The following BCL11A variants were observed in gnomAD, a reference collection of about 807,000 sequenced individuals.
The protein encoded by BCL11A is B cell CLL/lymphoma 11A.
A neutral mutation model predicts 55.9 loss-of-function variants in BCL11A; 2 were observed. The ratio of observed to expected loss-of-function variants is 0.04; its 90% confidence interval spans 0.01 to 0.11. The LOEUF (loss-of-function observed/expected upper bound fraction) is 0.11, where lower values mean the gene tolerates loss of function less well. Among genes scored for constraint, BCL11A ranks in the 10% least tolerant of loss-of-function variants. The pLI is 1.00. For synonymous variants in BCL11A, 465 were observed against 473.4 expected, an observed-to-expected ratio of 0.98 and a Z score of 0.23; for missense variants, 817 against 1,137.1, an observed-to-expected ratio of 0.72 and a Z score of 4.05.
At chr2:60,475,787 C>A (rs967383521) in intron 2 of BCL11A, among the ~76,000 whole-genome samples, 1 of 152,132 alleles carries the variant, frequency 6.6e-6, no homozygotes, top group Non-Finnish European at 1.5e-5. Context: ...TATTTGGGAG[C>A]TACTTTCAGA....
exon 5 of BCL11A, chr2:60,451,323 G>A: frequency 4.4e-6 from 1 of 227,910 alleles, no homozygotes; most frequent in Non-Finnish European, 8.7e-6. Context: ...CAGCACACAG[G>A]TGTCTGAGCT....
Position 60,546,574 on chromosome 2 carries a change from C to T in BCL11A, c.56-274G>A, listed in dbSNP as rs1352181687. Among the ~76,000 whole-genome samples the T allele has an allele frequency of 8.6e-5, 13 of 152,030 alleles. No homozygotes were observed. The highest frequency in any genetic ancestry group is 7.9e-4 in the Admixed American group (12 of 15,260). On this transcript the variant is annotated intron_variant, in intron 1 of 3. Transcript: ENST00000642384. This position sits in a 1 kb window ranked among gnomAD's most constrained non-coding sequence, Gnocchi z 4.1. ...GAGAACACACACACACACATATACC[C>T]ATGCACACACCCACAGCAACAAATG...
At chr2:60,526,076 G>A (rs1250493242) in intron 2 of BCL11A, 1 of 152,176 alleles carries the variant, frequency 6.6e-6, no homozygotes, top group Non-Finnish European at 1.5e-5. Context: ...TCTAACCACA[G>A]TAGGTTTTTT....
chr2:60,506,464 C>A (rs1679600116), intron 2 of BCL11A, among the ~76,000 whole-genome samples: 1 of 152,268 alleles, frequency 6.6e-6, no homozygotes, highest in African/African-American at 2.4e-5. Flanking sequence ...GCGCACCAGT[C>A]CTCAGACCCT....
At chr2:60,482,823 T>C (rs996353054) in intron 2 of BCL11A, among the ~76,000 whole-genome samples, 6 of 152,250 alleles carry the variant, frequency 3.9e-5, no homozygotes, top group African/African-American at 1.4e-4. Context: ...TTCTAGAATG[T>C]GTAATCATCT....
chr2:60,462,338 T>C lies in BCL11A; in HGVS notation c.574A>G (p.Thr192Ala). Residue 192 changes from threonine to alanine, a missense_variant, in exon 4 of 4, where the codon ACT (threonine) becomes GCT (alanine). Physicochemically the swap from Thr to Ala is moderately conservative, Grantham distance 58. Around this residue, in one of 4 missense-constraint regions of BCL11A, gnomAD observed 363 missense variants for 486.6 expected, o/e 0.75. Coordinates refer to ENST00000642384, the MANE Select transcript of BCL11A (RefSeq NM_022893.4). ...AWFLLQHAQNTHGLRIYLESE... is the reference protein window; with the variant it reads ...AWFLLQHAQNAHGLRIYLESE... Reference sequence around the variant, plus strand: ...TCTAAGTAGATTCTTAATCCATGAGTGTTCTGTGCGTGTTGCAAGAGAAAC... The same window carrying C: ...TCTAAGTAGATTCTTAATCCATGAGCGTTCTGTGCGTGTTGCAAGAGAAAC... The C allele has an allele frequency of 6.2e-7, 1 of 1,614,014 alleles. No homozygotes were observed. The highest frequency in any genetic ancestry group is 1.1e-5 in the South Asian group (1 of 91,080).
intron 2 of BCL11A, among the ~76,000 whole-genome samples, chr2:60,480,783 T>C (rs1038038363): frequency 6.6e-6 from 1 of 152,202 alleles, no homozygotes; most frequent in African/African-American, 2.4e-5. Flanking sequence ...ATTACTAGTC[T>C]GGGTCCCTTT....
intron 2 of BCL11A, among the ~76,000 whole-genome samples, chr2:60,489,049 C>T (rs1173086383): frequency 6.6e-6 from 1 of 152,098 alleles, no homozygotes; most frequent in Non-Finnish European, 1.5e-5. Flanking sequence ...CATAAGCTAC[C>T]ACACCCAGCC....
At chr2:60,510,433 T>C (rs764027959) in intron 2 of BCL11A, among the ~76,000 whole-genome samples, 7 of 152,202 alleles carry the variant, frequency 4.6e-5, no homozygotes, top group Non-Finnish European at 8.8e-5. Flanking sequence ...CTCACCTCTT[T>C]GGAGCCTTTG....
At chr2:60,472,095 A>T (rs1677236841) in intron 2 of BCL11A, among the ~76,000 whole-genome samples, 1 of 152,200 alleles carries the variant, frequency 6.6e-6, no homozygotes, top group Admixed American at 6.5e-5. Context: ...AATTAAGCTT[A>T]GGGAATCCCT....
chr2:60,493,633 G>A (rs756395973), intron 2 of BCL11A, among the ~76,000 whole-genome samples: 12 of 152,122 alleles, frequency 7.9e-5, no homozygotes, highest in South Asian at 4.1e-4. Context: ...TGTGGTGTTC[G>A]GAGTCCTAAG....
At chr2:60,550,896 C>A (rs1670383854) in intron 1 of BCL11A, 1 of 397,112 alleles carries the variant, frequency 2.5e-6, no homozygotes, top group African/African-American at 2.1e-5. Context: ...CACACCGCCG[C>A]GCGCCGCGTC....
At chr2:60,549,557 G>T (rs572345934) in intron 1 of BCL11A, among the ~76,000 whole-genome samples, 1 of 152,184 alleles carries the variant, frequency 6.6e-6, no homozygotes, top group Non-Finnish European at 1.5e-5. Context: ...AGCGAGCAGC[G>T]TGCTGGCTGC....
intron 2 of BCL11A, among the ~76,000 whole-genome samples, chr2:60,469,383 C>A (rs548605896): frequency 6.6e-6 from 1 of 152,276 alleles, no homozygotes; most frequent in African/African-American, 2.4e-5. Flanking sequence ...TATGATAGCG[C>A]CTTCAGTGAT....
At chr2:60,540,529 C>G (rs1032872559) in intron 2 of BCL11A, among the ~76,000 whole-genome samples, 2 of 152,142 alleles carry the variant, frequency 1.3e-5, no homozygotes, top group Admixed American at 1.3e-4. Flanking sequence ...CTGACCAGCA[C>G]GCAAAGCCAC....
At chr2:60,487,184 T>C (rs769904712) in intron 2 of BCL11A, among the ~76,000 whole-genome samples, 3 of 152,224 alleles carry the variant, frequency 2.0e-5, no homozygotes, top group Non-Finnish European at 4.4e-5. Flanking sequence ...GTTAATGTAA[T>C]ATTTTGCCTT....
intron 2 of BCL11A, among the ~76,000 whole-genome samples, chr2:60,469,559 A>T (rs1242598540): frequency 6.6e-6 from 1 of 152,254 alleles, no homozygotes; most frequent in Non-Finnish European, 1.5e-5. Flanking sequence ...GGAAAGAACC[A>T]GCATTCCAAT....
intron 2 of BCL11A, chr2:60,542,448 C>G (rs1243027507): frequency 6.6e-6 from 1 of 152,114 alleles, no homozygotes; most frequent in Non-Finnish European, 1.5e-5. Context: ...AACAAAACCC[C>G]TATTGAAAGC....
chr2:60,473,061 ATG>A (rs1401219867), intron 2 of BCL11A, among the ~76,000 whole-genome samples: 5 of 152,124 alleles, frequency 3.3e-5, no homozygotes, highest in Middle Eastern at 3.4e-3. Flanking sequence ...GAGCATGTGC[ATG>A]TGTGTATATT....
Sources: allele counts gnomAD v4.1 joint callset (sites outside exome capture counted in the v4.1 genomes callset), GRCh38; gene constraint gnomAD v4.1.1; regional missense constraint gnomAD v4.1.1; non-coding constraint Gnocchi (gnomAD v3.1); transcripts MANE v1.5; gene names NCBI Gene and HGNC (gene_info 2026-07-23, HGNC 2026-07-21).